NCAM2: variants seen among roughly 807,000 people sequenced by gnomAD.
NCAM2 encodes N-CAM-2.
A neutral mutation model predicts 98.1 loss-of-function variants in NCAM2; 30 were observed. The observed-to-expected ratio is 0.31, with a 90% confidence interval of 0.23 to 0.41. The LOEUF (loss-of-function observed/expected upper bound fraction) is 0.41, where lower values mean the gene tolerates loss of function less well. Among genes scored for constraint, NCAM2 ranks in the 10% least tolerant of loss-of-function variants. The pLI, the probability that NCAM2 is intolerant of heterozygous loss-of-function variation, is 1.00. For missense variants in NCAM2, 867 were observed against 1,005.8 expected (o/e 0.86, Z 1.87); for synonymous variants, 368 against 342.4 (o/e 1.07, Z -0.83).
intron 12 of NCAM2, among the ~76,000 whole-genome samples, chr21:21,461,197 G>A (rs891539335): frequency 3.3e-5 from 5 of 151,616 alleles, no homozygotes; most frequent in South Asian, 2.1e-4. Flanking sequence ...ATAATTTTAC[G>A]TATACTAAGA....
chr21:21,486,880 GTTGT>G, intron 15 of NCAM2, among the ~76,000 whole-genome samples: 1 of 152,090 alleles, frequency 6.6e-6, no homozygotes, highest in East Asian at 1.9e-4. Context: ...CATTTAAAGA[GTTGT>G]TTGTTAGATT....
chr21:21,410,254 TTTA>T lies in NCAM2; in HGVS notation c.1196-15_1196-13del. On this transcript the variant is annotated splice_polypyrimidine_tract_variant and intron_variant, in intron 9 of 17. Coordinates refer to ENST00000400546, the MANE Select transcript of NCAM2 (RefSeq NM_004540.5). The stretch of plus-strand genomic sequence containing the variant: ...ACTTAAAGAAAATGCCTATAATTAT[TTTA>T]TTATATTGTATTACAGATGCCCCCA... The T allele has an allele frequency of 7.7e-7, 1 of 1,290,938 alleles. No individual in the cohort carries two copies. Among genetic ancestry groups the T allele is most frequent in the Non-Finnish European group, 1.0e-6 (1 of 970,078 alleles). The allele number at this position is 1,290,938 out of a possible 1,614,324, so 80.0% of individuals were successfully genotyped here. A position where few individuals can be genotyped will look rare whatever the true frequency, so the allele number is the denominator to read the frequency against.
At chr21:21,165,489 T>C (rs969405632) in intron 1 of NCAM2, among the ~76,000 whole-genome samples, 3 of 152,140 alleles carry the variant, frequency 2.0e-5, no homozygotes, top group Admixed American at 6.5e-5. Context: ...ATAAATACAG[T>C]GTGGCCCAGG....
intron 5 of NCAM2, among the ~76,000 whole-genome samples, chr21:21,315,594 T>C (rs1193404442): frequency 2.6e-5 from 4 of 152,230 alleles, no homozygotes; most frequent in Admixed American, 6.5e-5. Flanking sequence ...CTTTCCTCTG[T>C]TGACATTGTC....
intron 1 of NCAM2, among the ~76,000 whole-genome samples, chr21:21,156,913 A>C (rs1228831109): frequency 6.6e-6 from 1 of 152,106 alleles, no homozygotes; most frequent in African/African-American, 2.4e-5. Flanking sequence ...TTATTCATTA[A>C]CTTTCACCTC....
chr21:21,216,905 G>T (rs1229451485), intron 1 of NCAM2, among the ~76,000 whole-genome samples: 4 of 152,150 alleles, frequency 2.6e-5, no homozygotes, highest in African/African-American at 9.7e-5. Flanking sequence ...TTTAGCAAAT[G>T]TCTCCTGGTT....
At chr21:21,434,015 T>G (rs1466403812) in intron 12 of NCAM2, among the ~76,000 whole-genome samples, 2 of 152,168 alleles carry the variant, frequency 1.3e-5, no homozygotes, top group Non-Finnish European at 2.9e-5. Flanking sequence ...CCCTCCAGAC[T>G]TCTTGCAAAG....
intron 1 of NCAM2, among the ~76,000 whole-genome samples, chr21:21,260,997 G>T (rs2071875250): frequency 6.6e-6 from 1 of 151,684 alleles, no homozygotes; most frequent in African/African-American, 2.4e-5. Flanking sequence ...AGTCCCAAAA[G>T]ATTGAAGTAA....
intron 1 of NCAM2, among the ~76,000 whole-genome samples, chr21:21,241,403 T>A (rs1056171393): frequency 1.3e-5 from 2 of 152,184 alleles, no homozygotes; most frequent in African/African-American, 4.8e-5. Flanking sequence ...AATTCTAAGT[T>A]CTCCTTTGAA....
At chr21:21,371,321 G>T (rs1328829373) in intron 8 of NCAM2, among the ~76,000 whole-genome samples, 1 of 151,796 alleles carries the variant, frequency 6.6e-6, no homozygotes, top group Non-Finnish European at 1.5e-5. Flanking sequence ...ATATTTAGCA[G>T]TTATGCATTG....
chr21:21,234,687 G>A (rs944255752), intron 1 of NCAM2, among the ~76,000 whole-genome samples: 1 of 151,856 alleles, frequency 6.6e-6, no homozygotes, highest in Admixed American at 6.6e-5. Context: ...CGGCATTAAT[G>A]ACCTCTTAAC....
chr21:21,004,433 T>A (rs1412850252), intron 1 of NCAM2, among the ~76,000 whole-genome samples: 2 of 152,188 alleles, frequency 1.3e-5, no homozygotes, highest in African/African-American at 4.8e-5. Flanking sequence ...ATTTTTGTAG[T>A]TATCTGGAAC....
intron 1 of NCAM2, among the ~76,000 whole-genome samples, chr21:21,191,539 A>T (rs1351734336): frequency 6.6e-6 from 1 of 152,216 alleles, no homozygotes; most frequent in Non-Finnish European, 1.5e-5. Context: ...TAGTTTACAT[A>T]CATACAAAAC....
chr21:21,486,350 C>T (rs1376229782), intron 15 of NCAM2, among the ~76,000 whole-genome samples: 1 of 150,306 alleles, frequency 6.7e-6, no homozygotes, highest in Non-Finnish European at 1.5e-5. Context: ...CTCCTTTCTC[C>T]CCTGCTGAGA....
chr21:21,385,526 C>T, intron 9 of NCAM2: 1 of 591,332 alleles, frequency 1.7e-6, no homozygotes, highest in Middle Eastern at 3.0e-4. Flanking sequence ...ATAGAAGCCG[C>T]ATTTACTGTA....
In NCAM2 at chr21:21,532,755, A is replaced by C. The variant is rs556369488; in HGVS notation, c.2283-1782A>C. On this transcript the variant is annotated intron_variant, in intron 16 of 17. Coordinates refer to ENST00000400546, the MANE Select transcript of NCAM2 (RefSeq NM_004540.5). ...GCATAATGCAGAATTTTTTAAAAGA[A>C]TCAATTGAAGAATAATGAAAACTAA... 1.1e-3 allele frequency among the ~76,000 whole-genome samples: 167 copies of C among 152,260 alleles called. 6 individuals carry two copies. Among genetic ancestry groups the C allele is most frequent in the Non-Finnish European group, 3.5e-4 (24 of 67,994 alleles).
chr21:21,517,785 G>A (rs1988794769), intron 16 of NCAM2, among the ~76,000 whole-genome samples: 1 of 152,048 alleles, frequency 6.6e-6, no homozygotes, highest in Non-Finnish European at 1.5e-5. Context: ...TTGAACCTGG[G>A]GAACGAAGAT....
chr21:21,297,163 TAAG>T (rs2073517132), intron 5 of NCAM2, among the ~76,000 whole-genome samples: 1 of 151,666 alleles, frequency 6.6e-6, no homozygotes, highest in South Asian at 2.1e-4. Context: ...ACCTTGAACA[TAAG>T]GAGAATATAT....
rs762029622 is a variant in NCAM2, at chr21:21,335,704, A to T, written c.898+39A>T. On this transcript the variant is annotated intron_variant, in intron 7 of 17. Transcript: ENST00000400546. ...CATAGTGGCTAAAACTGTTATGTCT[A>T]TTGGAAGATCAGAGTGAAATTCTAC... 3.5e-6 allele frequency: 5 copies of T among 1,444,746 alleles called. No homozygotes were observed. In the African/African-American group the frequency reaches 7.2e-5, roughly 21 times the overall value. 89.5% of individuals were successfully genotyped at this position (1,444,746 alleles called of 1,614,324 possible). A position where few individuals can be genotyped will look rare whatever the true frequency, so the allele number is the denominator to read the frequency against.
Sources: gnomAD v4.1 joint callset for allele counts (sites outside exome capture counted in the v4.1 genomes callset) on GRCh38, gnomAD v4.1.1 for gene constraint, MANE v1.5 for transcripts, NCBI Gene and HGNC (gene_info 2026-07-23, HGNC 2026-07-21) for gene names.